The following GALNT18 variants were observed in gnomAD, a reference collection of about 807,000 sequenced individuals.
GALNT18 encodes polypeptide N-acetylgalactosaminyltransferase 18.
GALNT18 carries 44 observed loss-of-function variants against 69.5 expected under a neutral mutation model. The ratio of observed to expected loss-of-function variants is 0.63; its 90% CI spans 0.50 to 0.81. GALNT18 has a LOEUF of 0.81. Ranked by LOEUF, GALNT18 falls within the 40% of genes least tolerant of loss-of-function variation. The pLI, the probability that GALNT18 is intolerant of heterozygous loss-of-function variation, is 0.00. For synonymous variants in GALNT18, 364 were observed against 318.2 expected (o/e 1.14, Z -1.53); for missense variants, 715 against 810.0 (o/e 0.88, Z 1.42).
chr11:11,588,844 G>C (rs147635301), intron 1 of GALNT18, among the ~76,000 whole-genome samples: 2 of 152,188 alleles, frequency 1.3e-5, no homozygotes, highest in Non-Finnish European at 1.5e-5. Context: ...ATCTGGAACT[G>C]AGGAAATTCC....
chr11:11,608,549 G>A (rs1056018899), intron 1 of GALNT18, among the ~76,000 whole-genome samples: 1 of 151,888 alleles, frequency 6.6e-6, no homozygotes, highest in Non-Finnish European at 1.5e-5. Context: ...TTTTAGTAGA[G>A]ACAGGATTTC....
chr11:11,471,511 C>T (rs1240921866), intron 1 of GALNT18, among the ~76,000 whole-genome samples: 1 of 152,152 alleles, frequency 6.6e-6, no homozygotes, highest in African/African-American at 2.4e-5. Context: ...AGGCAAGATT[C>T]TTCTTGCTGT....
At chr11:11,289,462 T>C (rs1345991053) in intron 10 of GALNT18, among the ~76,000 whole-genome samples, 1 of 152,050 alleles carries the variant, frequency 6.6e-6, no homozygotes, top group African/African-American at 2.4e-5. Flanking sequence ...GACTGCTATG[T>C]CTGTTTAAAC....
chr11:11,404,170 G>C lies in GALNT18; in HGVS notation c.596-24906C>G, dbSNP rs1168829002. On this transcript the variant is annotated intron_variant, in intron 3 of 10. Transcript: ENST00000227756. The surrounding 1 kb of genome is among the most constrained non-coding windows in gnomAD (Gnocchi z 4.5). ...AACGGGCTTTCTCTTCCGTAAAGGA[G>C]TGAGTGTCTAGGGGAGTTCATGCGT... Among the ~76,000 whole-genome samples the C allele has an allele frequency of 6.6e-6, 1 of 152,230 alleles. No individual in the cohort carries two copies. The highest frequency in any genetic ancestry group is 1.5e-5 in the Non-Finnish European group (1 of 68,040).
At chr11:11,301,398 C>T (rs556899182) in intron 9 of GALNT18, among the ~76,000 whole-genome samples, 1 of 152,294 alleles carries the variant, frequency 6.6e-6, no homozygotes, top group African/African-American at 2.4e-5. Flanking sequence ...TGGTCATTAA[C>T]CCCTTGACAC....
In GALNT18 at chr11:11,314,645, T is replaced by G. The variant is rs7940951; in HGVS notation, c.1512+12441A>C. On this transcript the variant is annotated intron_variant, in intron 9 of 10. Coordinates refer to ENST00000227756, the MANE Select transcript of GALNT18 (RefSeq NM_198516.3). The surrounding 1 kb of genome is among the most constrained non-coding windows in gnomAD (Gnocchi z 5.2). ...GTGGGAAGCTGGCTGGGTGCTCACC[T>G]CACCCAGAGAATGGGCACCAGCTCT... Among the ~76,000 whole-genome samples the G allele has an allele frequency of 0.057, 8,715 of 152,178 alleles. 377 individuals carry two copies. The highest frequency in any genetic ancestry group is 0.17 in the South Asian group (826 of 4,816).
chr11:11,279,532 A>T (rs1300152171), intron 10 of GALNT18, among the ~76,000 whole-genome samples: 1 of 152,278 alleles, frequency 6.6e-6, no homozygotes, highest in African/African-American at 2.4e-5. Flanking sequence ...ATAGTACAGC[A>T]GACATATAAC....
intron 3 of GALNT18, among the ~76,000 whole-genome samples, chr11:11,399,452 C>T (rs2133733765): frequency 6.7e-6 from 1 of 149,744 alleles, no homozygotes; most frequent in Non-Finnish European, 1.5e-5. Flanking sequence ...AATGGCGATT[C>T]TTCAGCCCAG....
Position 11,337,855 on chromosome 11 carries a change from C to T in GALNT18, c.1278+2964G>A, listed in dbSNP as rs113457045. Among the ~76,000 whole-genome samples, 32 of 151,894 alleles carry T rather than the reference C, an allele frequency of 2.1e-4. No homozygotes were observed. Among genetic ancestry groups the T allele is most frequent in the African/African-American group, 7.5e-4 (31 of 41,318 alleles). On this transcript the variant is annotated intron_variant, in intron 7 of 10. Coordinates refer to ENST00000227756, the MANE Select transcript of GALNT18 (RefSeq NM_198516.3). The surrounding 1 kb of genome is among the most constrained non-coding windows in gnomAD (Gnocchi z 4.9). ...GTAGGCAGTGGGATTAAAATACAGG[C>T]AGTGGGGTTAAAATACAGGCAGAGG... is the stretch of plus-strand genomic sequence containing the variant.
rs1182268078 is a variant in GALNT18 at position 11,396,725 on chromosome 11, A to G, written c.596-17461T>C. On this transcript the variant is annotated intron_variant, in intron 3 of 10. Transcript: ENST00000227756. This position sits in a 1 kb window ranked among gnomAD's most constrained non-coding sequence, Gnocchi z 5.2. ...TCAAAAGGGAAGAAGAACAGAGGTG[A>G]GAGCTCTGGATCTCTAATCTGCAGT... Among the ~76,000 whole-genome samples, 1 of 152,182 alleles carries G rather than the reference A, an allele frequency of 6.6e-6. No homozygotes were observed. Among genetic ancestry groups the G allele is most frequent in the Non-Finnish European group, 1.5e-5 (1 of 68,038 alleles).
At chr11:11,561,957 G>A (rs1296312386) in intron 1 of GALNT18, among the ~76,000 whole-genome samples, 1 of 152,240 alleles carries the variant, frequency 6.6e-6, no homozygotes, top group Non-Finnish European at 1.5e-5. Context: ...GGCTCACAGG[G>A]GTGAAGGGAC....
intron 1 of GALNT18, among the ~76,000 whole-genome samples, chr11:11,607,784 C>T (rs11021955): frequency 0.1 from 15,171 of 152,194 alleles, 836 homozygotes; most frequent in Middle Eastern, 0.17. Flanking sequence ...CTCAAGAAGA[C>T]ACTCTCCACC....
At chr11:11,468,080 G>T (rs912855268) in intron 1 of GALNT18, among the ~76,000 whole-genome samples, 2 of 152,204 alleles carry the variant, frequency 1.3e-5, no homozygotes, top group African/African-American at 2.4e-5. Context: ...AAGCCTTCCT[G>T]TCTTATCCTC....
rs929428362 is a variant in GALNT18, at chr11:11,543,614, C to G, written c.235+77745G>C. ...GGCTGCATGGAACGGCAGAAAGGGCCTGGCTTCAGTGCCCAGCACATCAGA... is the reference window on the plus strand; with the variant it reads ...GGCTGCATGGAACGGCAGAAAGGGCGTGGCTTCAGTGCCCAGCACATCAGA... On this transcript the variant is annotated intron_variant, in intron 1 of 10. Transcript: ENST00000227756. This position sits in a 1 kb window ranked among gnomAD's most constrained non-coding sequence, Gnocchi z 5.1. Among the ~76,000 whole-genome samples, 4 of 152,222 alleles carry G rather than the reference C, an allele frequency of 2.6e-5. No homozygotes were observed. The highest frequency in any genetic ancestry group is 2.0e-4 in the Admixed American group (3 of 15,286).
At chr11:11,373,518 A>G (rs1331339663) in intron 5 of GALNT18, among the ~76,000 whole-genome samples, 2 of 152,222 alleles carry the variant, frequency 1.3e-5, no homozygotes, top group Non-Finnish European at 2.9e-5. Flanking sequence ...TTGGTGGTGG[A>G]AAAACTGACC....
At chr11:11,295,814 C>T (rs1036438806) in intron 9 of GALNT18, among the ~76,000 whole-genome samples, 2 of 152,054 alleles carry the variant, frequency 1.3e-5, no homozygotes, top group Non-Finnish European at 2.9e-5. Context: ...TTCACTGTGA[C>T]CAAAGTTCTG....
intron 2 of GALNT18, among the ~76,000 whole-genome samples, chr11:11,441,734 TG>T (rs1335308929): frequency 6.6e-6 from 1 of 152,234 alleles, no homozygotes; most frequent in African/African-American, 2.4e-5. Context: ...TTAGCAACTC[TG>T]GGATGGTCCA....
chr11:11,283,235 A>G (rs11603676), intron 10 of GALNT18, among the ~76,000 whole-genome samples: 5 of 151,968 alleles, frequency 3.3e-5, no homozygotes, highest in Admixed American at 1.3e-4. Context: ...GCTCAATGCA[A>G]TCCCAGGTTC....
rs572803525 is a variant in GALNT18 at position 11,463,175 on chromosome 11, C to T, written c.236-14239G>A. Among the ~76,000 whole-genome samples, 6 of 150,614 alleles carry T rather than the reference C, an allele frequency of 4.0e-5. No homozygotes were observed. In the South Asian group the frequency reaches 1.1e-3, roughly 27 times the overall value. Reference sequence around the variant, plus strand: ...CCTCAGTTATCACTGGCTGTATCCTCACACATGGACATACACACTCAGACA... The same window carrying T: ...CCTCAGTTATCACTGGCTGTATCCTTACACATGGACATACACACTCAGACA... On this transcript the variant is annotated intron_variant, in intron 1 of 10. Coordinates refer to ENST00000227756, the MANE Select transcript of GALNT18 (RefSeq NM_198516.3). This position sits in a 1 kb window ranked among gnomAD's most constrained non-coding sequence, Gnocchi z 4.2.
Sources: gnomAD v4.1 joint callset for allele counts (sites outside exome capture counted in the v4.1 genomes callset) on GRCh38, gnomAD v4.1.1 for gene constraint, Gnocchi (gnomAD v3.1) non-coding constraint, MANE v1.5 for transcripts, NCBI Gene and HGNC (gene_info 2026-07-23, HGNC 2026-07-21) for gene names.